Variants in GCSAML observed in about 807,000 individuals in gnomAD.
The protein encoded by GCSAML is germinal center associated signaling and motility like, also known as germinal center-associated signaling and motility-like protein.
A neutral mutation model predicts 13.0 loss-of-function variants in GCSAML; 9 were observed. The ratio of observed to expected loss-of-function variants is 0.69; its 90% CI spans 0.42 to 1.21. The LOEUF is 1.21. GCSAML is among the 50% of genes most tolerant of loss of function. GCSAML has a pLI of 0.00. For synonymous variants in GCSAML, 37 were observed against 52.9 expected (o/e 0.70, Z 1.31); for missense variants, 143 against 153.4 (o/e 0.93, Z 0.36).
At chr1:247,520,437 TCA>T (rs929693546) in intron 1 of GCSAML, among the ~76,000 whole-genome samples, 1 of 152,158 alleles carries the variant, frequency 6.6e-6, no homozygotes, top group African/African-American at 2.4e-5. Context: ...TCAACTTTTC[TCA>T]GAGTCTCCAG....
intron 1 of GCSAML, among the ~76,000 whole-genome samples, chr1:247,510,773 G>A (rs1666008124): frequency 6.6e-6 from 1 of 152,182 alleles, no homozygotes; most frequent in Non-Finnish European, 1.5e-5. Flanking sequence ...TCATTCAGGA[G>A]CAGGTTGTTC....
chr1:247,532,146 G>T (rs769331450), intron 2 of GCSAML: 11 of 1,614,108 alleles, frequency 6.8e-6, no homozygotes, highest in East Asian at 2.2e-5. Context: ...CAGCGTAGCG[G>T]TCATAGGACA....
chr1:247,546,099 CT>C (rs1200367778), upstream of GCSAML, among the ~76,000 whole-genome samples: 7 of 152,066 alleles, frequency 4.6e-5, no homozygotes, highest in East Asian at 3.9e-4. Context: ...TATTCACGTT[CT>C]TTTATATCAA....
At chr1:247,539,477 A>G (rs1381362241) in intron 2 of GCSAML, among the ~76,000 whole-genome samples, 1 of 152,226 alleles carries the variant, frequency 6.6e-6, no homozygotes, top group African/African-American at 2.4e-5. Flanking sequence ...TGATCTATAC[A>G]TGAGAGATGT....
intron 4 of GCSAML, 68 bp downstream of exon 4, chr1:247,566,027 C>G (rs1668341542): frequency 9.5e-7 from 1 of 1,057,408 alleles, no homozygotes; most frequent in Non-Finnish European, 1.4e-6. Flanking sequence ...CTGATAAATG[C>G]CAAAATACAG....
intron 4 of GCSAML, among the ~76,000 whole-genome samples, chr1:247,567,451 G>T (rs1668429035): frequency 6.6e-6 from 1 of 152,024 alleles, no homozygotes; most frequent in Non-Finnish European, 1.5e-5. Context: ...TCCTGTGTTA[G>T]TTTGCTGAGA....
At chr1:247,536,368 G>A (rs901880321) in intron 2 of GCSAML, 3 of 152,206 alleles carry the variant, frequency 2.0e-5, no homozygotes, top group Non-Finnish European at 2.9e-5. Flanking sequence ...GTTAGATTCT[G>A]TTCAAATTCA....
intron 2 of GCSAML, chr1:247,532,518 C>T (rs1469988206): frequency 6.2e-7 from 1 of 1,610,044 alleles, no homozygotes; most frequent in South Asian, 1.1e-5. Flanking sequence ...TCATTGTATG[C>T]TGGGGGTGGG....
upstream of GCSAML, among the ~76,000 whole-genome samples, chr1:247,546,411 T>G (rs760489299): frequency 1.3e-5 from 2 of 152,080 alleles, no homozygotes; most frequent in Admixed American, 1.3e-4. Flanking sequence ...CAGGCTGGAG[T>G]GCAGTGGCGC....
chr1:247,537,162 C>A (rs1200543025), intron 2 of GCSAML, among the ~76,000 whole-genome samples: 1 of 152,170 alleles, frequency 6.6e-6, no homozygotes, highest in South Asian at 2.1e-4. Context: ...AGCCACTAAT[C>A]TGCTTTCTCT....
chr1:247,550,888 A>T (rs1013508782), intron 1 of GCSAML, among the ~76,000 whole-genome samples: 1 of 152,206 alleles, frequency 6.6e-6, no homozygotes, highest in Admixed American at 6.5e-5. Context: ...AGGAAAATGG[A>T]TATGGAAGCA....
intron 1 of GCSAML, among the ~76,000 whole-genome samples, chr1:247,513,937 G>A (rs748879879): frequency 3.3e-5 from 5 of 152,016 alleles, no homozygotes; most frequent in Non-Finnish European, 7.4e-5. Context: ...GGGAGCTGCA[G>A]ACCAGAACTG....
intron 2 of GCSAML, among the ~76,000 whole-genome samples, chr1:247,536,771 C>A (rs556714090): frequency 5.9e-5 from 9 of 152,100 alleles, no homozygotes; most frequent in Non-Finnish European, 1.2e-4. Flanking sequence ...GCTTATGGAG[C>A]GTAAGAATCA....
chr1:247,541,343 T>C (rs1667404607), intron 2 of GCSAML, among the ~76,000 whole-genome samples: 1 of 152,216 alleles, frequency 6.6e-6, no homozygotes, highest in African/African-American at 2.4e-5. Context: ...AGCAGTAGGT[T>C]TGGCCTCCCA....
intron 1 of GCSAML, among the ~76,000 whole-genome samples, chr1:247,522,492 A>C (rs1332645677): frequency 6.6e-6 from 1 of 152,172 alleles, no homozygotes; most frequent in Non-Finnish European, 1.5e-5. Flanking sequence ...ATGTGGGGAA[A>C]AGATAGAGAA....
intron 4 of GCSAML, among the ~76,000 whole-genome samples, chr1:247,569,657 C>T (rs1332814449): frequency 1.3e-5 from 2 of 152,124 alleles, no homozygotes; most frequent in African/African-American, 4.8e-5. Flanking sequence ...GGATATTGGC[C>T]TGAAATTTTC....
intron 2 of GCSAML, chr1:247,536,172 G>T (rs2103014176): frequency 6.6e-6 from 1 of 152,248 alleles, no homozygotes; most frequent in South Asian, 2.1e-4. Context: ...ACTTACTAAT[G>T]GTGAGCTAGC....
At chr1:247,563,553 C>G in intron 2 of GCSAML, 37 bp from the exon 3 acceptor site, 1 of 1,321,570 alleles carries the variant, frequency 7.6e-7, no homozygotes, top group Non-Finnish European at 1.1e-6. Flanking sequence ...CTTTGGAGAA[C>G]CTGGAGTATC....
Position 247,551,557 on chromosome 1 carries a change from A to G in GCSAML, c.29+2337A>G, listed in dbSNP as rs141879701. Among the ~76,000 whole-genome samples the G allele has an allele frequency of 8.8e-4, 134 of 152,330 alleles. 1 individual carries two copies. The highest frequency in any genetic ancestry group is 3.2e-3 in the African/African-American group (131 of 41,586). On this transcript the variant is annotated intron_variant, in intron 1 of 4. Transcript: ENST00000366488. Reference sequence around the variant, plus strand: ...GAGTATGGAGGAATGACACAGAGAGAAATAGACAATAAGCTCTTAAAATAT... The same window carrying G: ...GAGTATGGAGGAATGACACAGAGAGGAATAGACAATAAGCTCTTAAAATAT...
Sources: gnomAD v4.1 joint callset for allele counts (sites outside exome capture counted in the v4.1 genomes callset) on GRCh38, gnomAD v4.1.1 for gene constraint, MANE v1.5 for transcripts, NCBI Gene and HGNC (gene_info 2026-07-23, HGNC 2026-07-21) for gene names.